NEK1: variants seen among roughly 807,000 people sequenced by gnomAD.
The protein encoded by NEK1 is serine/threonine-protein kinase Nek1.
A neutral mutation model predicts 182.1 loss-of-function variants in NEK1; 137 were observed. The ratio of observed to expected loss-of-function variants is 0.75; its 90% confidence interval spans 0.65 to 0.87. NEK1 has a LOEUF of 0.87. Ranked by LOEUF, NEK1 falls within the 40% of genes least tolerant of loss-of-function variation. The pLI is 0.00. For missense variants in NEK1, 1,391 were observed against 1,494.4 expected, an observed-to-expected ratio of 0.93 and a Z score of 1.14; for synonymous variants, 513 against 492.2, an observed-to-expected ratio of 1.04 and a Z score of -0.56.
At chr4:169,554,015 A>G (rs916256503) in intron 18 of NEK1, 1 of 152,214 alleles carries the variant, frequency 6.6e-6, no homozygotes, top group Non-Finnish European at 1.5e-5. Context: ...TAAAAAATTT[A>G]TGTCCACAAA....
At chr4:169,495,617 A>C (rs1210838444) in intron 23 of NEK1, among the ~76,000 whole-genome samples, 5 of 152,202 alleles carry the variant, frequency 3.3e-5, no homozygotes, top group African/African-American at 1.2e-4. Flanking sequence ...AGCTTTCTAC[A>C]TATGGCTAGC....
In NEK1 at chr4:169,555,760, T is replaced by C; in HGVS notation, c.1522A>G (p.Lys508Glu). ...PDADDIRKTLKRLKAVSKQAN... is the reference protein window; with the variant it reads ...PDADDIRKTLERLKAVSKQAN... Reference sequence around the variant, plus strand: ...TGTTTAGACACCGCCTTCAATCTTTTCAAAGTTTTTCTAATATCATCAGCA... The same window carrying C: ...TGTTTAGACACCGCCTTCAATCTTTCCAAAGTTTTTCTAATATCATCAGCA... Residue 508 changes from lysine (K) to glutamate (E), a missense_variant, in exon 18 of 36, where the codon AAA (lysine) becomes GAA (glutamate). By Grantham distance (56) the Lys-to-Glu change is moderately conservative (BLOSUM62 1). Around this residue, in one of 5 missense-constraint regions of NEK1, gnomAD observed 1,216 missense variants for 1,277.6 expected, o/e 0.95. Coordinates refer to ENST00000507142, the MANE Select transcript of NEK1 (RefSeq NM_001199397.3). 3.1e-6 allele frequency: 5 copies of C among 1,613,880 alleles called. No homozygotes were observed. Among genetic ancestry groups the C allele is most frequent in the Non-Finnish European group, 4.2e-6 (5 of 1,179,814 alleles).
chr4:169,449,474 GCAATATTTGCTGTTCTT>G (rs1561207170), intron 27 of NEK1, among the ~76,000 whole-genome samples: 1 of 152,184 alleles, frequency 6.6e-6, no homozygotes, highest in Non-Finnish European at 1.5e-5. Flanking sequence ...GGATCAGGCA[GCAATATTTGCTGTTCTT>G]CAATATTTGC....
In NEK1 at chr4:169,393,898, C is replaced by T. The variant is rs1730292246; in HGVS notation, c.*612G>A. ...TTTTGCTATTCTTTCATAATCAAAT[C>T]TTTCAATGATTTCTAAGACTGTTTC... On this transcript the variant is annotated 3_prime_UTR_variant, in exon 36 of 36. Coordinates refer to ENST00000507142, the MANE Select transcript of NEK1 (RefSeq NM_001199397.3). The T allele has an allele frequency of 2.0e-5, 3 of 152,154 alleles. No homozygotes were observed. Among genetic ancestry groups the T allele is most frequent in the Non-Finnish European group, 2.9e-5 (2 of 68,006 alleles). The allele number at this position is 152,154 out of a possible 1,614,324, so 9.4% of individuals were successfully genotyped here.
intron 27 of NEK1, among the ~76,000 whole-genome samples, chr4:169,454,784 A>C (rs1742526505): frequency 6.6e-6 from 1 of 152,210 alleles, no homozygotes; most frequent in Non-Finnish European, 1.5e-5. Flanking sequence ...TTCCTCAAGG[A>C]TCTAGAACTA....
chr4:169,482,779 G>A (rs551680074), intron 23 of NEK1, among the ~76,000 whole-genome samples: 45 of 152,100 alleles, frequency 3.0e-4, no homozygotes, highest in Admixed American at 9.8e-4. Flanking sequence ...TGGGATTACA[G>A]GCACACACCA....
At chr4:169,575,778 C>A (rs1765592927) in intron 12 of NEK1, among the ~76,000 whole-genome samples, 1 of 152,148 alleles carries the variant, frequency 6.6e-6, no homozygotes, top group African/African-American at 2.4e-5. Context: ...CCATACCCTA[C>A]CCAGTAAGGT....
chr4:169,487,696 G>A (rs1377189916), intron 23 of NEK1, among the ~76,000 whole-genome samples: 3 of 152,176 alleles, frequency 2.0e-5, no homozygotes, highest in Non-Finnish European at 2.9e-5. Flanking sequence ...GGATTGCTGG[G>A]TCAAATGGTG....
chr4:169,579,994 C>G (rs899362358), intron 11 of NEK1, among the ~76,000 whole-genome samples: 1 of 152,134 alleles, frequency 6.6e-6, no homozygotes, highest in Non-Finnish European at 1.5e-5. Flanking sequence ...GAAATCCATT[C>G]TGAAATCATT....
At chr4:169,396,228 T>A (rs1214590126) in intron 35 of NEK1, among the ~76,000 whole-genome samples, 3 of 151,372 alleles carry the variant, frequency 2.0e-5, no homozygotes, top group Non-Finnish European at 4.4e-5. Flanking sequence ...TAGCTGGGTG[T>A]GGTGGCACAT....
chr4:169,487,571 A>G (rs1749263516), intron 23 of NEK1, among the ~76,000 whole-genome samples: 1 of 152,146 alleles, frequency 6.6e-6, no homozygotes, highest in African/African-American at 2.4e-5. Context: ...CACTGATGGA[A>G]ATCTGGGTTG....
In NEK1 at chr4:169,599,122, C is replaced by G; in HGVS notation, c.290G>C (p.Gly97Ala). Residue 97 changes from glycine (G) to alanine (A), a missense_variant, in exon 5 of 36, where the codon GGC (glycine) becomes GCC (alanine). Transcript: ENST00000507142. ...TACCTGATCCTCTTGAAACAAAACG[C>G]CTTTCTGAGCATTTATTCGCTTAAA... is the stretch of plus-strand genomic sequence containing the variant. ...DLFKRINAQKGVLFQEDQILD... is the reference protein window; with the variant it reads ...DLFKRINAQKAVLFQEDQILD... 7 of 1,613,272 alleles carry G rather than the reference C, an allele frequency of 4.3e-6. No individual in the cohort carries two copies. The highest frequency in any genetic ancestry group is 5.9e-6 in the Non-Finnish European group (7 of 1,179,620).
intron 16 of NEK1, among the ~76,000 whole-genome samples, chr4:169,559,362 C>T (rs1392819541): frequency 1.3e-5 from 2 of 152,060 alleles, no homozygotes; most frequent in African/African-American, 4.8e-5. Flanking sequence ...TAGAATGGAC[C>T]AGATTCTAAG....
At chr4:169,585,805 T>A (rs1190971982) in intron 9 of NEK1, among the ~76,000 whole-genome samples, 1 of 152,160 alleles carries the variant, frequency 6.6e-6, no homozygotes, top group Non-Finnish European at 1.5e-5. Flanking sequence ...TTTCATAAAC[T>A]ATAACAATAA....
At chr4:169,592,986 T>C (rs1768795466) in intron 5 of NEK1, among the ~76,000 whole-genome samples, 1 of 152,104 alleles carries the variant, frequency 6.6e-6, no homozygotes, top group Admixed American at 6.6e-5. Context: ...ACTGATAAAA[T>C]GGAGTTTACC....
intron 23 of NEK1, among the ~76,000 whole-genome samples, chr4:169,501,822 A>C (rs1341606920): frequency 6.6e-6 from 1 of 152,152 alleles, no homozygotes; most frequent in Admixed American, 6.5e-5. Flanking sequence ...TTAACAACCT[A>C]ATGCTGCACC....
intron 18 of NEK1, among the ~76,000 whole-genome samples, chr4:169,545,465 G>C (rs1368270196): frequency 1.3e-5 from 2 of 149,934 alleles, no homozygotes; most frequent in African/African-American, 5.0e-5. Context: ...GGACATTTGG[G>C]TTGGTTCCAA....
At chr4:169,503,466 C>T (rs1244283470) in intron 23 of NEK1, among the ~76,000 whole-genome samples, 1 of 152,050 alleles carries the variant, frequency 6.6e-6, no homozygotes, top group Non-Finnish European at 1.5e-5. Context: ...TACCTGACCT[C>T]GAATTATACT....
chr4:169,564,723 T>G (rs1362841322), intron 12 of NEK1, among the ~76,000 whole-genome samples: 2 of 152,134 alleles, frequency 1.3e-5, no homozygotes, highest in Non-Finnish European at 1.5e-5. Flanking sequence ...AACACAACTA[T>G]TTTACTTCAA....
Sources: allele counts gnomAD v4.1 joint callset (sites outside exome capture counted in the v4.1 genomes callset), GRCh38; gene constraint gnomAD v4.1.1; regional missense constraint gnomAD v4.1.1; transcripts MANE v1.5; gene names NCBI Gene and HGNC (gene_info 2026-07-23, HGNC 2026-07-21).